ANKRD46: variants seen among roughly 807,000 people sequenced by gnomAD.
ANKRD46 encodes the protein ankyrin repeat domain 46, also known as ankyrin repeat domain-containing protein 46.
ANKRD46 carries 13 observed loss-of-function variants against 19.8 expected under a neutral mutation model. The ratio of observed to expected loss-of-function variants is 0.66; its 90% CI spans 0.43 to 1.04. The LOEUF is 1.04. Ranked by LOEUF, ANKRD46 falls within the 50% of genes least tolerant of loss-of-function variation. The probability of loss-of-function intolerance (pLI) is 0.00; values close to 1 mark genes in which losing one functional copy is unlikely to be tolerated. For missense variants in ANKRD46, 185 were observed against 274.8 expected (o/e 0.67, Z 2.31); for synonymous variants, 91 against 106.9 (o/e 0.85, Z 0.92).
intron 1 of ANKRD46, among the ~76,000 whole-genome samples, chr8:100,549,470 G>T (rs984692157): frequency 4.6e-5 from 7 of 152,126 alleles, no homozygotes; most frequent in African/African-American, 1.7e-4. Flanking sequence ...AAAAAATTGA[G>T]AATTCTGATT....
chr8:100,547,744 C>T (rs527868557), intron 1 of ANKRD46, among the ~76,000 whole-genome samples: 1 of 152,316 alleles, frequency 6.6e-6, no homozygotes, highest in South Asian at 2.1e-4. Flanking sequence ...ATCCTTGATG[C>T]TTTCTTTTCT....
chr8:100,557,918 C>T lies in ANKRD46; in HGVS notation c.-131+1793G>A, dbSNP rs1420013045. ...TATTTTTATTCCTAGTAACTGTTAC[C>T]ATCTGACTCCAGATACGTTAACTTT... On this transcript the variant is annotated intron_variant, in intron 1 of 4. Transcript: ENST00000335659. This position sits in a 1 kb window ranked among gnomAD's most constrained non-coding sequence, Gnocchi z 5.9. 6.6e-6 allele frequency among the ~76,000 whole-genome samples: 1 copy of T among 152,110 alleles called. No individual in the cohort carries two copies. Among genetic ancestry groups the T allele is most frequent in the Non-Finnish European group, 1.5e-5 (1 of 68,020 alleles).
rs112670071 is a variant in ANKRD46 at position 100,511,436 on chromosome 8, T to TTGTGTGTGTG, written c.637-807_637-798dup. ...GGTAAATGGTGAGGTAGACACCAAG[T>TTGTGTGTGTG]TGTGTGTGTGTGTGTGTGTGTGTGT... On this transcript the variant is annotated intron_variant, in intron 5 of 5. Coordinates refer to the ANKRD46 transcript ENST00000520552. The surrounding 1 kb of genome is among the most constrained non-coding windows in gnomAD (Gnocchi z 4.1). Among the ~76,000 whole-genome samples the TTGTGTGTGTG allele has an allele frequency of 1.1e-4, 16 of 148,538 alleles. No homozygotes were observed. The highest frequency in any genetic ancestry group is 3.7e-4 in the African/African-American group (15 of 40,574).
In ANKRD46 at chr8:100,524,569, T is replaced by A. The variant is rs1811801796; in HGVS notation, c.471-1798A>T. ...TAAGAGATGATGTTTTCAGTGGGAA[T>A]CTACAACACCACAGTAATTTTGGAA... On this transcript the variant is annotated intron_variant, in intron 4 of 4. Coordinates refer to ENST00000335659, the MANE Select transcript of ANKRD46 (RefSeq NM_001270377.2). This position sits in a 1 kb window ranked among gnomAD's most constrained non-coding sequence, Gnocchi z 4.3. 6.6e-6 allele frequency among the ~76,000 whole-genome samples: 1 copy of A among 152,058 alleles called. No homozygotes were observed. Among genetic ancestry groups the A allele is most frequent in the African/African-American group, 2.4e-5 (1 of 41,396 alleles).
In ANKRD46 at chr8:100,543,821, GAT is replaced by G; in HGVS notation, c.-130-10512_-130-10511del. ...AATATATCTGCATGTCTTCTTCAGT[GAT>G]ACTATCAAAATAAATCTATTCCAAA... On this transcript the variant is annotated intron_variant, in intron 1 of 4. Transcript: ENST00000335659. This position sits in a 1 kb window ranked among gnomAD's most constrained non-coding sequence, Gnocchi z 4.2. Among the ~76,000 whole-genome samples, 1 of 152,240 alleles carries G rather than the reference GAT, an allele frequency of 6.6e-6. No individual in the cohort carries two copies. The highest frequency in any genetic ancestry group is 2.1e-4 in the South Asian group (1 of 4,828).
At position 100,534,669 on chromosome 8, in the gene ANKRD46, T is replaced by C. The variant is rs118029433; in HGVS notation, c.-130-1358A>G. Among the ~76,000 whole-genome samples the C allele has an allele frequency of 2.0e-3, 309 of 152,324 alleles. No individual in the cohort carries two copies. Among genetic ancestry groups the C allele is most frequent in the Non-Finnish European group, 3.7e-3 (253 of 68,030 alleles). ...TCACATTAGGGAAAAAGAAAAAATT[T>C]TGTTTTTCATCTAGAGATGGAATTA... On this transcript the variant is annotated intron_variant, in intron 1 of 4. Coordinates refer to ENST00000335659, the MANE Select transcript of ANKRD46 (RefSeq NM_001270377.2). This position sits in a 1 kb window ranked among gnomAD's most constrained non-coding sequence, Gnocchi z 4.2.
downstream of ANKRD46, among the ~76,000 whole-genome samples, chr8:100,519,383 A>G (rs549746994): frequency 6.5e-4 from 99 of 152,354 alleles, no homozygotes; most frequent in African/African-American, 2.3e-3. Flanking sequence ...TGGAGGAAGC[A>G]GCCAACAAGG....
rs574852436 is a variant in ANKRD46 at position 100,511,138 on chromosome 8, C to T, written c.637-499G>A. Among the ~76,000 whole-genome samples, 5 of 152,184 alleles carry T rather than the reference C, an allele frequency of 3.3e-5. No individual in the cohort carries two copies. Among genetic ancestry groups the T allele is most frequent in the Admixed American group, 2.0e-4 (3 of 15,278 alleles). On this transcript the variant is annotated intron_variant, in intron 5 of 5. Coordinates refer to the ANKRD46 transcript ENST00000520552. This position sits in a 1 kb window ranked among gnomAD's most constrained non-coding sequence, Gnocchi z 4.1. ...CAACAGTGTTGAGCGGCTTACACAT[C>T]GCAGCTGATCCCCTGGTTAGCATTA...
Position 100,510,604 on chromosome 8 carries a change from T to G in ANKRD46, c.672A>C (p.Gln224His). Residue 224 changes from glutamine (Q) to histidine (H), a missense_variant, in exon 6 of 6, where the codon CAA becomes CAC. Transcript: ENST00000520552. The surrounding 1 kb of genome is among the most constrained non-coding windows in gnomAD (Gnocchi z 4.9). ...AGATGGCCTGGATTCGGCTTCTGTC[T>G]TGCCTTGCAAAGCTTCCAAGCCTCA... 6.5e-7 allele frequency: 1 copy of G among 1,535,810 alleles called. No homozygotes were observed. The highest frequency in any genetic ancestry group is 2.4e-5 in the East Asian group (1 of 40,916).
intron 5 of ANKRD46, among the ~76,000 whole-genome samples, chr8:100,514,786 C>T (rs1264292058): frequency 2.0e-5 from 3 of 151,944 alleles, no homozygotes; most frequent in Non-Finnish European, 4.4e-5. Flanking sequence ...ACTACAGACA[C>T]GTGCCACCAC....
intron 1 of ANKRD46, among the ~76,000 whole-genome samples, chr8:100,548,843 C>T (rs552311528): frequency 6.6e-6 from 1 of 152,040 alleles, no homozygotes; most frequent in Admixed American, 6.5e-5. Context: ...GAAATCAAAT[C>T]ACGTTCATAT....
downstream of ANKRD46, among the ~76,000 whole-genome samples, chr8:100,517,717 G>A (rs985008388): frequency 1.3e-5 from 2 of 152,194 alleles, no homozygotes; most frequent in African/African-American, 4.8e-5. Flanking sequence ...GGAGCACAAA[G>A]GAATTAACCT....
rs917999892 is a variant in ANKRD46, at chr8:100,545,789, A to G, written c.-130-12478T>C. Among the ~76,000 whole-genome samples the G allele has an allele frequency of 2.0e-5, 3 of 152,212 alleles. No individual in the cohort carries two copies. Among genetic ancestry groups the G allele is most frequent in the Non-Finnish European group, 4.4e-5 (3 of 68,032 alleles). ...CAAAATGCTGATAGTGATATGGACAATGAAATCAAGGCTGAGGTGGTCTCA... is the reference window on the plus strand; with the variant it reads ...CAAAATGCTGATAGTGATATGGACAGTGAAATCAAGGCTGAGGTGGTCTCA... On this transcript the variant is annotated intron_variant, in intron 1 of 4. Coordinates refer to ENST00000335659, the MANE Select transcript of ANKRD46 (RefSeq NM_001270377.2). The surrounding 1 kb of genome is among the most constrained non-coding windows in gnomAD (Gnocchi z 4.7).
At position 100,511,466 on chromosome 8, in the gene ANKRD46, T is replaced by C. The variant is rs79352514; in HGVS notation, c.637-827A>G. Among the ~76,000 whole-genome samples, 645 of 152,040 alleles carry C rather than the reference T, an allele frequency of 4.2e-3. 2 individuals carry two copies. Among genetic ancestry groups the C allele is most frequent in the African/African-American group, 0.014 (595 of 41,418 alleles). On this transcript the variant is annotated intron_variant, in intron 5 of 5. Transcript: ENST00000520552. The surrounding 1 kb of genome is among the most constrained non-coding windows in gnomAD (Gnocchi z 4.1). ...TGTGTGTGTGTGTGTGTGTGTCCTGTGGTGTACTGAGGGTAGGCATGTCAT... is the reference window on the plus strand; with the variant it reads ...TGTGTGTGTGTGTGTGTGTGTCCTGCGGTGTACTGAGGGTAGGCATGTCAT...
rs1563929553 is a variant in ANKRD46, at chr8:100,534,061, GAAAC to G, written c.-130-754_-130-751del. On this transcript the variant is annotated intron_variant, in intron 1 of 4. Coordinates refer to ENST00000335659, the MANE Select transcript of ANKRD46 (RefSeq NM_001270377.2). The surrounding 1 kb of genome is among the most constrained non-coding windows in gnomAD (Gnocchi z 4.2). ...CACAAAAATAGCAATATTAGTTCAT[GAAAC>G]AAACATTCACTGTGTGCCTGCAATG... is the stretch of plus-strand genomic sequence containing the variant. 6.6e-6 allele frequency among the ~76,000 whole-genome samples: 1 copy of G among 152,206 alleles called. No homozygotes were observed. The highest frequency in any genetic ancestry group is 1.5e-5 in the Non-Finnish European group (1 of 68,036).
intron 5 of ANKRD46, among the ~76,000 whole-genome samples, chr8:100,514,281 G>A (rs1586773572): frequency 6.6e-6 from 1 of 151,998 alleles, no homozygotes; most frequent in East Asian, 1.9e-4. Flanking sequence ...GTGAAAAAGA[G>A]GAAAACCATT....
chr8:100,522,035 A>AT lies in ANKRD46; in HGVS notation c.*519dup, dbSNP rs1212423805. Reference sequence around the variant, plus strand: ...ACTTAAAAATACTAAAATAAGCCAAATAGATGCTAACAATACTAATTTGCA... The same window carrying AT: ...ACTTAAAAATACTAAAATAAGCCAAATTAGATGCTAACAATACTAATTTGCA... On this transcript the variant is annotated 3_prime_UTR_variant, in exon 5 of 5. Transcript: ENST00000335659. 5 of 985,628 alleles carry AT rather than the reference A, an allele frequency of 5.1e-6. No homozygotes were observed. The East Asian group carries it at 5.7e-4, about 112-fold the overall frequency. 61.1% of individuals were successfully genotyped at this position (985,628 alleles called of 1,614,324 possible).
chr8:100,530,355 A>G (rs1473083727), intron 2 of ANKRD46, among the ~76,000 whole-genome samples: 1 of 151,874 alleles, frequency 6.6e-6, no homozygotes, highest in African/African-American at 2.4e-5. Flanking sequence ...CTTATACTCA[A>G]CAAAGACCTG....
intron 1 of ANKRD46, among the ~76,000 whole-genome samples, chr8:100,555,235 C>T (rs989426220): frequency 1.3e-5 from 2 of 151,044 alleles, no homozygotes; most frequent in Admixed American, 6.6e-5. Context: ...ATATTATAGT[C>T]TCAGAAGTTC....
Sources: allele counts gnomAD v4.1 joint callset (sites outside exome capture counted in the v4.1 genomes callset), GRCh38; gene constraint gnomAD v4.1.1; non-coding constraint Gnocchi (gnomAD v3.1); transcripts MANE v1.5; gene names NCBI Gene and HGNC (gene_info 2026-07-23, HGNC 2026-07-21).